ALDH18A1: variants seen among roughly 807,000 people sequenced by gnomAD.
ALDH18A1 encodes aldehyde dehydrogenase 18 family member A1.
Under a neutral mutation model 88.8 loss-of-function variants are expected in ALDH18A1, and 44 were observed. That is an observed-to-expected ratio of 0.50 (90% CI 0.39 to 0.64). The LOEUF (loss-of-function observed/expected upper bound fraction) is 0.64, where lower values mean the gene tolerates loss of function less well. ALDH18A1 is among the 30% of genes least tolerant of loss of function. The pLI is 0.00. For missense variants in ALDH18A1, 782 were observed against 1,009.5 expected (o/e 0.77, Z 3.05); for synonymous variants, 331 against 372.1 (o/e 0.89, Z 1.27).
intron 11 of ALDH18A1, among the ~76,000 whole-genome samples, chr10:95,623,230 G>A (rs1188452516): frequency 2.0e-5 from 3 of 151,984 alleles, no homozygotes; most frequent in South Asian, 4.1e-4. Context: ...CTCACAATGC[G>A]AGTATATTTT....
Position 95,637,430 on chromosome 10 carries a change from C to T in ALDH18A1, c.310G>A (p.Val104Met), listed in dbSNP as rs752987176. 1.9e-6 allele frequency: 3 copies of T among 1,614,160 alleles called. No individual in the cohort carries two copies. The South Asian group carries it at 3.3e-5, about 18-fold the overall frequency. The part of the protein sequence containing the change: ...RLASIVEQVS[V>M]LQNQGREMML... ...ATCTCTCTGCCCTGATTCTGCAGCA[C>T]TGATACCTGGGCATTGAGAAAGGAA... is the stretch of plus-strand genomic sequence containing the variant. The change falls in exon 4 of 18, where the codon GTG (valine) becomes ATG (methionine). Residue 104 changes from valine to methionine, a missense_variant. This residue lies in a region of ALDH18A1 where 132 missense variants were observed against 255.5 expected (regional missense o/e 0.52). Coordinates refer to ENST00000371224, the MANE Select transcript of ALDH18A1 (RefSeq NM_002860.4).
At chr10:95,648,809 C>T (rs2097905236) in intron 2 of ALDH18A1, among the ~76,000 whole-genome samples, 1 of 152,176 alleles carries the variant, frequency 6.6e-6, no homozygotes, top group Non-Finnish European at 1.5e-5. Flanking sequence ...CAATCTGAGA[C>T]CTGACACAGA....
intron 7 of ALDH18A1, 166 bp from the exon 8 acceptor site, chr10:95,628,658 C>A: frequency 1.4e-6 from 1 of 727,720 alleles, no homozygotes; most frequent in Non-Finnish European, 2.3e-6. Context: ...TCGACACTGA[C>A]AAACATCTCC....
At chr10:95,631,297 A>G (rs1185598029) in intron 7 of ALDH18A1, among the ~76,000 whole-genome samples, 3 of 152,176 alleles carry the variant, frequency 2.0e-5, no homozygotes, top group Non-Finnish European at 4.4e-5. Flanking sequence ...AGTGGCTCCA[A>G]CTTAAAACAA....
intron 3 of ALDH18A1, among the ~76,000 whole-genome samples, chr10:95,638,274 C>T (rs1016373344): frequency 3.3e-5 from 5 of 152,152 alleles, no homozygotes; most frequent in African/African-American, 7.2e-5. Context: ...CCTCCTGCCA[C>T]GGCCTCCCAA....
intron 15 of ALDH18A1, among the ~76,000 whole-genome samples, chr10:95,612,912 A>C (rs1409710): frequency 0.1 from 15,446 of 152,226 alleles, 926 homozygotes; most frequent in Middle Eastern, 0.2. Flanking sequence ...AATTCTTTCC[A>C]GTTCTCACTG....
At position 95,606,338 on chromosome 10, in the gene ALDH18A1, T is replaced by C. The variant is rs1173900905; in HGVS notation, c.*424A>G. The C allele has an allele frequency of 3.0e-6, 3 of 1,001,730 alleles. No individual in the cohort carries two copies. The highest frequency in any genetic ancestry group is 3.5e-5 in the African/African-American group (2 of 57,520). The allele number at this position is 1,001,730 out of a possible 1,614,324, so 62.1% of individuals were successfully genotyped here. On this transcript the variant is annotated 3_prime_UTR_variant, in exon 18 of 18. Transcript: ENST00000371224. ...TTCTAAAATTCCAAATCTTTCCTTT[T>C]TGAAGATGACTACATGTGAAAGAAA...
At chr10:95,645,097 AG>A (rs1004587178) in intron 2 of ALDH18A1, among the ~76,000 whole-genome samples, 13 of 152,236 alleles carry the variant, frequency 8.5e-5, no homozygotes, top group Non-Finnish European at 1.8e-4. Flanking sequence ...GGACTGTGTG[AG>A]GCCTACATGG....
At chr10:95,619,362 C>T (rs113393666) in intron 12 of ALDH18A1, among the ~76,000 whole-genome samples, 4,370 of 152,240 alleles carry the variant, frequency 0.029, 76 homozygotes, top group African/African-American at 0.04. Flanking sequence ...GGCCATACTG[C>T]CCAAGGTAAT....
intron 2 of ALDH18A1, among the ~76,000 whole-genome samples, chr10:95,645,668 G>A (rs774022885): frequency 1.3e-5 from 2 of 152,102 alleles, no homozygotes; most frequent in Non-Finnish European, 2.9e-5. Flanking sequence ...CAGGTTTGTG[G>A]AGATATAAGA....
intron 5 of ALDH18A1, among the ~76,000 whole-genome samples, chr10:95,634,635 G>C (rs533999730): frequency 6.7e-4 from 102 of 152,178 alleles, no homozygotes; most frequent in Non-Finnish European, 1.1e-3. Context: ...AAGCTGAAAG[G>C]GGGGCAGAAC....
intron 5 of ALDH18A1, among the ~76,000 whole-genome samples, chr10:95,634,769 G>A (rs1181001787): frequency 6.6e-6 from 1 of 152,184 alleles, no homozygotes; most frequent in African/African-American, 2.4e-5. Context: ...ATGTTTAGGA[G>A]AAAAAGATAA....
intron 5 of ALDH18A1, among the ~76,000 whole-genome samples, chr10:95,636,665 A>C (rs1186998664): frequency 6.6e-6 from 1 of 152,222 alleles, no homozygotes; most frequent in Non-Finnish European, 1.5e-5. Flanking sequence ...AAGCTTAATA[A>C]ATATCTGCTA....
rs1348743361 is a variant in ALDH18A1, at chr10:95,626,691, T to C, written c.1152+12A>G. ...TGAAAACTATAACAATATTATCACC[T>C]AAGGTTATTACCTGCTCAGGTTCCA... On this transcript the variant is annotated intron_variant, in intron 10 of 17. Transcript: ENST00000371224. 2 of 1,613,542 alleles carry C rather than the reference T, an allele frequency of 1.2e-6. No homozygotes were observed. Among genetic ancestry groups the C allele is most frequent in the African/African-American group, 1.3e-5 (1 of 75,044 alleles).
In ALDH18A1 at chr10:95,619,620, A is replaced by C. The variant is rs1447285354; in HGVS notation, c.1467+1411T>G. Reference sequence around the variant, plus strand: ...GACCAATGGAACAGAACAGAGGCCTAAGAAATAACACCACACATCTACAAC... The same window carrying C: ...GACCAATGGAACAGAACAGAGGCCTCAGAAATAACACCACACATCTACAAC... On this transcript the variant is annotated intron_variant, in intron 12 of 17. Coordinates refer to ENST00000371224, the MANE Select transcript of ALDH18A1 (RefSeq NM_002860.4). Among the ~76,000 whole-genome samples the C allele has an allele frequency of 2.6e-5, 4 of 152,170 alleles. No individual in the cohort carries two copies. The East Asian group carries it at 5.8e-4, about 22-fold the overall frequency.
At chr10:95,624,410 A>G (rs1227041540) in intron 11 of ALDH18A1, among the ~76,000 whole-genome samples, 3 of 152,314 alleles carry the variant, frequency 2.0e-5, no homozygotes, top group East Asian at 3.9e-4. Context: ...CTGAAAATCT[A>G]TTTTACGTTT....
At chr10:95,612,715 G>A (rs1437083220) in intron 15 of ALDH18A1, among the ~76,000 whole-genome samples, 1 of 152,142 alleles carries the variant, frequency 6.6e-6, no homozygotes, top group Non-Finnish European at 1.5e-5. Context: ...ATTAGGTCTG[G>A]GGAGGGATTT....
intron 1 of ALDH18A1, among the ~76,000 whole-genome samples, chr10:95,654,763 AAG>A (rs1414072742): frequency 6.6e-6 from 1 of 151,596 alleles, no homozygotes; most frequent in African/African-American, 2.4e-5. Context: ...CATAACACTG[AAG>A]TATGATTTTA....
At chr10:95,625,816 T>C (rs1167759096) in intron 10 of ALDH18A1, among the ~76,000 whole-genome samples, 3 of 151,898 alleles carry the variant, frequency 2.0e-5, no homozygotes, top group Non-Finnish European at 4.4e-5. Flanking sequence ...GTATAATCTG[T>C]AGGAGATTAT....
Sources: gnomAD v4.1 joint callset for allele counts (sites outside exome capture counted in the v4.1 genomes callset) on GRCh38, gnomAD v4.1.1 for gene constraint, gnomAD v4.1.1 regional missense constraint, MANE v1.5 for transcripts, NCBI Gene and HGNC (gene_info 2026-07-23, HGNC 2026-07-21) for gene names.